Variants in NAGA observed in about 807,000 individuals in gnomAD.
NAGA encodes Acetylgalactosaminidase, alpha-N- (alpha-galactosidase B).
Under a neutral mutation model 45.6 loss-of-function variants are expected in NAGA, and 42 were observed. The observed-to-expected ratio is 0.92, with a 90% CI of 0.72 to 1.19. NAGA has a LOEUF of 1.19. Among genes scored for constraint, NAGA ranks in the 50% most tolerant of loss-of-function variants. NAGA has a pLI of 0.00. For missense variants in NAGA, 493 were observed against 544.8 expected, an observed-to-expected ratio of 0.90 and a Z score of 0.95; for synonymous variants, 176 against 203.1, an observed-to-expected ratio of 0.87 and a Z score of 1.13.
Position 42,059,961 on chromosome 22 carries a change from A to C in NAGA, c.*318T>G. ...TCCAAATCCTGATTTCAGAGTCAAC[A>C]GCAAGGTCAGAGGCTAGAGTCCTGA... On this transcript the variant is annotated 3_prime_UTR_variant, in exon 9 of 9. Coordinates refer to ENST00000396398, the MANE Select transcript of NAGA (RefSeq NM_000262.3). 3 of 386,840 alleles carry C rather than the reference A, an allele frequency of 7.8e-6. No homozygotes were observed. The highest frequency in any genetic ancestry group is 1.5e-5 in the Non-Finnish European group (3 of 202,378). The allele number at this position is 386,840 out of a possible 1,614,324, so 24.0% of individuals were successfully genotyped here.
At chr22:42,060,462 A>G in intron 8 of NAGA, 49 bp from the exon 9 acceptor site, 1 of 1,608,298 alleles carries the variant, frequency 6.2e-7, no homozygotes, top group Non-Finnish European at 8.5e-7. Context: ...GTGGCGGCAC[A>G]GAGACCCCCC....
At position 42,070,799 on chromosome 22, in the gene NAGA, T is replaced by C; in HGVS notation, c.-502A>G. 4.4e-6 allele frequency: 1 copy of C among 228,288 alleles called. No homozygotes were observed. Among genetic ancestry groups the C allele is most frequent in the South Asian group, 5.6e-5 (1 of 17,982 alleles). 14.1% of individuals were successfully genotyped at this position (228,288 alleles called of 1,614,324 possible). ...GACCTGCCGCCGCTTCTGACTCGAA[T>C]CCGGTAACCTGATAAGTCCGAAGCG... On this transcript the variant is annotated 5_prime_UTR_variant, in exon 1 of 9. Transcript: ENST00000396398.
chr22:42,068,866 C>G (rs1926897667), intron 1 of NAGA, among the ~76,000 whole-genome samples: 1 of 51,298 alleles, frequency 1.9e-5, no homozygotes, highest in Non-Finnish European at 3.8e-5. Flanking sequence ...CTTCCTATAA[C>G]CCCCATCAGC....
chr22:42,063,861 C>T (rs867138922), intron 6 of NAGA, among the ~76,000 whole-genome samples: 2 of 152,198 alleles, frequency 1.3e-5, no homozygotes, highest in Non-Finnish European at 2.9e-5. Context: ...AGAGACCATC[C>T]TGGCCAACAT....
chr22:42,066,013 A>G, intron 5 of NAGA, 114 bp from the exon 6 acceptor site: 1 of 1,361,018 alleles, frequency 7.3e-7, no homozygotes, highest in Non-Finnish European at 1.0e-6. Flanking sequence ...GGAAGAGGGA[A>G]GAGAACAGGC....
At chr22:42,065,672 C>G (rs1274933651) in intron 6 of NAGA, 66 bp downstream of exon 6, 1 of 1,602,254 alleles carries the variant, frequency 6.2e-7, no homozygotes, top group Admixed American at 1.7e-5. Flanking sequence ...GAAGAAAGCA[C>G]AGGGCAGTGG....
chr22:42,061,067 C>T lies in NAGA; in HGVS notation c.958G>A (p.Glu320Lys), dbSNP rs1342256616. ...ATGTACACTTCGATGAGAGATTTTT[C>T]CTGGGCACAGAAGGTGGCTACTGGC... ...LGIQGRRIHK[E>K]KSLIEVYMRP... The change falls in exon 8 of 9, where the codon GAA becomes AAA. Residue 320 changes from glutamate to lysine, a missense_variant and splice_region_variant. Coordinates refer to ENST00000396398, the MANE Select transcript of NAGA (RefSeq NM_000262.3). The T allele has an allele frequency of 6.2e-7, 1 of 1,613,882 alleles. No homozygotes were observed. Among genetic ancestry groups the T allele is most frequent in the Non-Finnish European group, 8.5e-7 (1 of 1,179,968 alleles).
intron 8 of NAGA, 45 bp downstream of exon 8, chr22:42,060,878 GA>G (rs1926335140): frequency 6.2e-7 from 1 of 1,613,358 alleles, no homozygotes; most frequent in African/African-American, 1.3e-5. Flanking sequence ...CCCTCCCACA[GA>G]AATCTGAAGC....
intron 6 of NAGA, among the ~76,000 whole-genome samples, chr22:42,064,711 G>C (rs1926624032): frequency 6.6e-6 from 1 of 152,122 alleles, no homozygotes; most frequent in African/African-American, 2.4e-5. Context: ...ATATGCCCTG[G>C]CTACATCACA....
Position 42,067,285 on chromosome 22 carries a change from G to A in NAGA, c.330C>T (p.His110=), listed in dbSNP as rs772294888. The A allele has an allele frequency of 2.5e-6, 4 of 1,614,116 alleles. No homozygotes were observed. Among genetic ancestry groups the A allele is most frequent in the Admixed American group, 3.3e-5 (2 of 60,032 alleles). The change falls in exon 4 of 9, where the codon CAC becomes CAT. Residue 110 remains histidine (H), a synonymous_variant. Transcript: ENST00000396398. ...AGATACCCAACTTCAGGCCCAGGGA[G>A]TGAACCTGTGGGGGTTTGAGGACAC... ...HGIPFLADYV[H]SLGLKLGIYA... is the part of the protein sequence containing the mutation.
At position 42,066,738 on chromosome 22, in the gene NAGA, G is replaced by C. The variant is rs1366833114; in HGVS notation, c.569C>G (p.Pro190Arg). The change falls in exon 5 of 9, where the codon CCA becomes CGA. Residue 190 changes from proline to arginine, a missense_variant. Coordinates refer to ENST00000396398, the MANE Select transcript of NAGA (RefSeq NM_000262.3). ...TGGGGGGAGGCCGCCTTCATAGGCT[G>C]GCCAGCTGCAGGAGAAGGCGATGGG... is the stretch of plus-strand genomic sequence containing the variant. ...GRPIAFSCSWPAYEGGLPPRV... is the reference protein window; with the variant it reads ...GRPIAFSCSWRAYEGGLPPRV... The C allele has an allele frequency of 6.2e-7, 1 of 1,605,684 alleles. No homozygotes were observed. Among genetic ancestry groups the C allele is most frequent in the African/African-American group, 1.3e-5 (1 of 74,968 alleles).
At chr22:42,065,987 GAGAGAC>G in intron 5 of NAGA, 88 bp from the exon 6 acceptor site, 1 of 1,491,774 alleles carries the variant, frequency 6.7e-7, no homozygotes, top group Non-Finnish European at 9.2e-7. Context: ...GGCTCAGCAG[GAGAGAC>G]AGAGAGTGGG....
rs12168095 is a variant in NAGA, at chr22:42,068,610, G to A, written c.17-36C>T. 1,603 of 1,612,694 alleles carry A rather than the reference G, an allele frequency of 9.9e-4. 9 individuals are homozygous for A. The African/African-American group carries it at 0.019, about 19-fold the overall frequency. ...AGGGAGGAGGGGATGGTGACTATCAGTTGCCCCCACAGCTCCAGCCCTCAT... is the reference window on the plus strand; with the variant it reads ...AGGGAGGAGGGGATGGTGACTATCAATTGCCCCCACAGCTCCAGCCCTCAT... On this transcript the variant is annotated intron_variant, in intron 1 of 8. Coordinates refer to ENST00000396398, the MANE Select transcript of NAGA (RefSeq NM_000262.3).
At chr22:42,062,788 T>A (rs748086173) in intron 7 of NAGA, 39 bp downstream of exon 7, 1 of 1,603,786 alleles carries the variant, frequency 6.2e-7, no homozygotes, top group Non-Finnish European at 8.5e-7. Flanking sequence ...AGAACCCAGT[T>A]CCTCAGCCCT....
Position 42,068,371 on chromosome 22 carries a change from C to T in NAGA, c.152+68G>A, listed in dbSNP as rs1602498058. The T allele has an allele frequency of 3.1e-6, 5 of 1,612,550 alleles. No homozygotes were observed. In the East Asian group the frequency reaches 8.9e-5, roughly 29 times the overall value. ...CTTGCCCTCTTTTCTAGTGGACTCT[C>T]CACTTCCTGCCCCCGAATCTGCAGG... On this transcript the variant is annotated intron_variant, in intron 2 of 8. Coordinates refer to ENST00000396398, the MANE Select transcript of NAGA (RefSeq NM_000262.3).
At chr22:42,068,697 T>C (rs891189200) in intron 1 of NAGA, 123 bp from the exon 2 acceptor site, 4 of 1,355,316 alleles carry the variant, frequency 3.0e-6, no homozygotes, top group Non-Finnish European at 4.0e-6. Context: ...TAAGGGAAAC[T>C]GGACTCCTGG....
chr22:42,067,746 G>T lies in NAGA; in HGVS notation c.324+19C>A. On this transcript the variant is annotated intron_variant, in intron 3 of 8. Coordinates refer to ENST00000396398, the MANE Select transcript of NAGA (RefSeq NM_000262.3). ...TGGTCTAGCCCTGAGGCCAAGGGCA[G>T]GGCTGGGGTGCGGCTCACGTAGTCA... The T allele has an allele frequency of 6.2e-7, 1 of 1,610,156 alleles. No individual in the cohort carries two copies. Among genetic ancestry groups the T allele is most frequent in the African/African-American group, 1.3e-5 (1 of 75,024 alleles).
chr22:42,063,187 G>T (rs1926512506), intron 6 of NAGA, among the ~76,000 whole-genome samples, 163 bp from the exon 7 acceptor site: 1 of 152,214 alleles, frequency 6.6e-6, no homozygotes, highest in South Asian at 2.1e-4. Flanking sequence ...TAGCCCTGTG[G>T]CCTTGGGGGA....
At position 42,065,886 on chromosome 22, in the gene NAGA, A is replaced by C. The variant is rs1361052216; in HGVS notation, c.611T>G (p.Leu204Arg). 4 of 1,614,140 alleles carry C rather than the reference A, an allele frequency of 2.5e-6. No homozygotes were observed. Reference protein sequence around the residue: ...GGLPPRVNYSLLADICNLWRN... With the variant: ...GGLPPRVNYSRLADICNLWRN... ...CCAGAGGTTGCAGATGTCCGCCAGC[A>C]GACTGTAGTTCACCTGGATGTCGAG... is the stretch of plus-strand genomic sequence containing the variant. The change falls in exon 6 of 9, where the codon CTG (leucine) becomes CGG (arginine). Residue 204 changes from leucine to arginine, a missense_variant. Leu to Arg is a moderately radical substitution (Grantham distance 102). Coordinates refer to ENST00000396398, the MANE Select transcript of NAGA (RefSeq NM_000262.3).
Sources: allele counts gnomAD v4.1 joint callset (sites outside exome capture counted in the v4.1 genomes callset), GRCh38; gene constraint gnomAD v4.1.1; transcripts MANE v1.5; gene names NCBI Gene and HGNC (gene_info 2026-07-23, HGNC 2026-07-21).